AAK1: variants seen among roughly 807,000 people sequenced by gnomAD.
The protein encoded by AAK1 is AP2 associated kinase 1.
A neutral mutation model predicts 116.0 loss-of-function variants in AAK1; 37 were observed. That is an observed-to-expected ratio of 0.32 (90% confidence interval 0.25 to 0.42). The LOEUF is 0.42. AAK1 is among the 10% of genes least tolerant of loss of function. AAK1 has a pLI of 1.00. For synonymous variants in AAK1, 458 were observed against 439.9 expected (o/e 1.04, Z -0.51); for missense variants, 919 against 1,170.6 (o/e 0.79, Z 3.14).
chr2:69,526,551 A>C (rs1003767375), intron 9 of AAK1, among the ~76,000 whole-genome samples: 1 of 152,172 alleles, frequency 6.6e-6, no homozygotes, highest in Non-Finnish European at 1.5e-5. Context: ...CAGGTGATCC[A>C]TCCTCCTCGG....
chr2:69,621,052 T>C (rs1334825822), intron 2 of AAK1, among the ~76,000 whole-genome samples: 1 of 152,262 alleles, frequency 6.6e-6, no homozygotes, highest in Non-Finnish European at 1.5e-5. Flanking sequence ...GAGCCTTGTA[T>C]ATACACTCAT....
At chr2:69,524,696 G>C (rs780881073) in intron 10 of AAK1, among the ~76,000 whole-genome samples, 32 of 152,294 alleles carry the variant, frequency 2.1e-4, no homozygotes, top group Non-Finnish European at 4.3e-4. Flanking sequence ...GCCTCCCAAA[G>C]TGCTGGGATT....
At chr2:69,500,317 AG>A (rs1272629795) in intron 16 of AAK1, 1 of 152,156 alleles carries the variant, frequency 6.6e-6, no homozygotes, top group Non-Finnish European at 1.5e-5. Context: ...AACAAGAGAG[AG>A]GGGAAAATAT....
chr2:69,618,937 T>C (rs1347699318), intron 2 of AAK1, among the ~76,000 whole-genome samples: 1 of 152,114 alleles, frequency 6.6e-6, no homozygotes, highest in African/African-American at 2.4e-5. Flanking sequence ...TCCTCCATGC[T>C]CTGACTCTTC....
intron 19 of AAK1, among the ~76,000 whole-genome samples, chr2:69,479,280 C>T (rs1166257541): frequency 6.6e-6 from 1 of 152,068 alleles, no homozygotes; most frequent in East Asian, 1.9e-4. Context: ...TGCATTTACA[C>T]GTTACACATA....
rs1674529780 is a variant in AAK1, at chr2:69,467,545, C to A, written c.*8324G>T. ...GTGGTTGGGGGTAAAGGTATCATTT[C>A]ATCATGGGCTCAGTAAAGAGATACT... is the stretch of plus-strand genomic sequence containing the variant. On this transcript the variant is annotated 3_prime_UTR_variant, in exon 22 of 22. Coordinates refer to ENST00000409085, the MANE Select transcript of AAK1 (RefSeq NM_014911.5). 1 of 985,250 alleles carries A rather than the reference C, an allele frequency of 1.0e-6. No homozygotes were observed. The highest frequency in any genetic ancestry group is 1.2e-6 in the Non-Finnish European group (1 of 829,918). 61.0% of individuals were successfully genotyped at this position (985,250 alleles called of 1,614,324 possible). A position where few individuals can be genotyped will look rare whatever the true frequency, so the allele number is the denominator to read the frequency against.
At chr2:69,491,333 T>G (rs1373582548) in intron 17 of AAK1, among the ~76,000 whole-genome samples, 2 of 152,180 alleles carry the variant, frequency 1.3e-5, no homozygotes, top group African/African-American at 4.8e-5. Flanking sequence ...CAAGCAGCAT[T>G]TGAGCATCAG....
In AAK1 at chr2:69,544,512, A is replaced by T. The variant is rs201743554; in HGVS notation, c.315T>A (p.Gly105=). 3.0e-4 allele frequency: 486 copies of T among 1,613,684 alleles called. No homozygotes were observed. The highest frequency in any genetic ancestry group is 4.0e-4 in the Non-Finnish European group (473 of 1,179,730). The part of the protein sequence containing the change: ...RDLSGHKNIV[G]YIDSSINNVS... ...CGTTGTTGATACTAGAATCAATGTA[A>T]CCCACAATATTCTTGTGCCCTGAAA... The change falls in exon 4 of 22, where the codon GGT becomes GGA. Residue 105 remains glycine (G), a synonymous_variant. Transcript: ENST00000409085.
At chr2:69,568,342 A>G (rs1264002849) in intron 2 of AAK1, among the ~76,000 whole-genome samples, 1 of 151,868 alleles carries the variant, frequency 6.6e-6, no homozygotes. Flanking sequence ...GTGAATCCTG[A>G]GCACTTTCTA....
intron 10 of AAK1, among the ~76,000 whole-genome samples, chr2:69,522,146 C>G (rs1455279012): frequency 6.6e-6 from 1 of 152,230 alleles, no homozygotes; most frequent in Non-Finnish European, 1.5e-5. Flanking sequence ...TAGCTACTAC[C>G]TAACTCAGAT....
At chr2:69,481,885 A>T (rs943673124) in intron 18 of AAK1, 9 of 152,270 alleles carry the variant, frequency 5.9e-5, no homozygotes, top group African/African-American at 1.9e-4. Flanking sequence ...GGCTCACTGC[A>T]GCCTCAAACC....
chr2:69,528,459 T>C (rs763557951), intron 8 of AAK1, among the ~76,000 whole-genome samples: 1 of 152,294 alleles, frequency 6.6e-6, no homozygotes, highest in South Asian at 2.1e-4. Flanking sequence ...TATACTATGG[T>C]GACAGTGATG....
At chr2:69,620,279 G>A (rs1272426657) in intron 2 of AAK1, among the ~76,000 whole-genome samples, 1 of 152,118 alleles carries the variant, frequency 6.6e-6, no homozygotes, top group African/African-American at 2.4e-5. Flanking sequence ...TAAAAATGAA[G>A]ACTACTCCAT....
chr2:69,603,231 T>C (rs1673655709), intron 2 of AAK1, among the ~76,000 whole-genome samples: 1 of 152,234 alleles, frequency 6.6e-6, no homozygotes, highest in Non-Finnish European at 1.5e-5. Flanking sequence ...ATAAAAGTAA[T>C]CATGATTATT....
intron 5 of AAK1, among the ~76,000 whole-genome samples, chr2:69,534,412 C>CT (rs1670379404): frequency 6.6e-6 from 1 of 152,204 alleles, no homozygotes. Context: ...TGGGTGCAAG[C>CT]TTAAGGACAG....
Position 69,469,470 on chromosome 2 carries a change from A to T in AAK1, c.*6399T>A, listed in dbSNP as rs1398220100. ...AACAGTTCCTTTATATGAAGGTAGC[A>T]TTGTGTCAACAAGAAAACGTGTTTG... On this transcript the variant is annotated 3_prime_UTR_variant, in exon 22 of 22. Transcript: ENST00000409085. The T allele has an allele frequency of 1.0e-6, 1 of 985,350 alleles. No homozygotes were observed. The highest frequency in any genetic ancestry group is 1.7e-5 in the African/African-American group (1 of 57,254). 61.0% of individuals were successfully genotyped at this position (985,350 alleles called of 1,614,324 possible). A position where few individuals can be genotyped will look rare whatever the true frequency, so the allele number is the denominator to read the frequency against.
chr2:69,547,990 A>T (rs1558952068), intron 3 of AAK1, among the ~76,000 whole-genome samples: 1 of 152,200 alleles, frequency 6.6e-6, no homozygotes, highest in Non-Finnish European at 1.5e-5. Flanking sequence ...TGCTAAGTGA[A>T]AACAGACACA....
chr2:69,600,798 T>C (rs190950822), intron 2 of AAK1, among the ~76,000 whole-genome samples: 83 of 152,256 alleles, frequency 5.5e-4, no homozygotes, highest in African/African-American at 1.9e-3. Context: ...CAGACAACTC[T>C]TCCTCTTCTT....
intron 2 of AAK1, among the ~76,000 whole-genome samples, chr2:69,642,359 G>C (rs1280707371): frequency 1.3e-5 from 2 of 152,148 alleles, no homozygotes. Flanking sequence ...AAATCTACTA[G>C]TGAAATCCAC....
Sources: allele counts gnomAD v4.1 joint callset (sites outside exome capture counted in the v4.1 genomes callset), GRCh38; gene constraint gnomAD v4.1.1; transcripts MANE v1.5; gene names NCBI Gene and HGNC (gene_info 2026-07-23, HGNC 2026-07-21).